TENM4: variants seen among roughly 807,000 people sequenced by gnomAD.
TENM4 encodes the protein teneurin-4.
TENM4 carries 82 observed loss-of-function variants against 243.3 expected under a neutral mutation model. The ratio of observed to expected loss-of-function variants is 0.34; its 90% CI spans 0.28 to 0.40. TENM4 has a LOEUF of 0.40. Ranked by LOEUF, TENM4 falls within the 10% of genes least tolerant of loss-of-function variation. The pLI is 1.00. For synonymous variants in TENM4, 1,412 were observed against 1,456.3 expected, an observed-to-expected ratio of 0.97 and a Z score of 0.69; for missense variants, 3,138 against 3,673.3, an observed-to-expected ratio of 0.85 and a Z score of 3.77.
intron 3 of TENM4, among the ~76,000 whole-genome samples, chr11:79,203,965 A>T (rs1357047957): frequency 6.6e-6 from 1 of 152,268 alleles, no homozygotes; most frequent in Non-Finnish European, 1.5e-5. Flanking sequence ...GAAAGAAGCC[A>T]GCCACAAAAA....
In TENM4 at chr11:79,082,164, A is replaced by G. The variant is rs111259238; in HGVS notation, c.-65-12155T>C. On this transcript the variant is annotated intron_variant, in intron 4 of 33. Coordinates refer to ENST00000278550, the MANE Select transcript of TENM4 (RefSeq NM_001098816.3). Reference sequence around the variant, plus strand: ...ATACAACTCTCCATATGCCACCTCCATGGTCCTTCTAGGTGCAAAGCTCTC... The same window carrying G: ...ATACAACTCTCCATATGCCACCTCCGTGGTCCTTCTAGGTGCAAAGCTCTC... Among the ~76,000 whole-genome samples the G allele has an allele frequency of 4.2e-3, 636 of 152,296 alleles. 2 individuals are homozygous for G. The highest frequency in any genetic ancestry group is 0.015 in the African/African-American group (608 of 41,548).
At chr11:78,761,916 T>C (rs1856438892) in intron 18 of TENM4, among the ~76,000 whole-genome samples, 1 of 152,214 alleles carries the variant, frequency 6.6e-6, no homozygotes, top group African/African-American at 2.4e-5. Context: ...CTGATGATCC[T>C]GCACGTCTCC....
At chr11:78,894,710 T>G (rs74333707) in intron 7 of TENM4, among the ~76,000 whole-genome samples, 6,395 of 152,226 alleles carry the variant, frequency 0.042, 358 homozygotes, top group African/African-American at 0.13. Flanking sequence ...TGTTGGCTAT[T>G]GGCCAGGTGC....
At chr11:79,387,822 T>C (rs546582438) in intron 1 of TENM4, among the ~76,000 whole-genome samples, 1 of 152,152 alleles carries the variant, frequency 6.6e-6, no homozygotes, top group Admixed American at 6.5e-5. Flanking sequence ...CCGGGCAACA[T>C]GGTGAAACTC....
intron 13 of TENM4, among the ~76,000 whole-genome samples, chr11:78,813,041 T>C (rs1165863433): frequency 2.6e-5 from 4 of 152,240 alleles, no homozygotes; most frequent in East Asian, 1.9e-4. Context: ...ACGGTAATTC[T>C]TGTTAGAAGG....
At chr11:79,408,030 A>G (rs1414511991) in intron 1 of TENM4, among the ~76,000 whole-genome samples, 1 of 151,712 alleles carries the variant, frequency 6.6e-6, no homozygotes, top group Non-Finnish European at 1.5e-5. Context: ...CAGCCTCCCA[A>G]GTAGCTGGGA....
intron 6 of TENM4, among the ~76,000 whole-genome samples, chr11:78,911,908 G>A (rs558572136): frequency 2.6e-5 from 4 of 152,178 alleles, no homozygotes; most frequent in African/African-American, 2.4e-5. Context: ...CTCAGCTTCC[G>A]CTCTGAGTCT....
At chr11:79,012,791 C>T (rs992710914) in intron 6 of TENM4, among the ~76,000 whole-genome samples, 1 of 152,140 alleles carries the variant, frequency 6.6e-6, no homozygotes, top group African/African-American at 2.4e-5. Flanking sequence ...GGCTGCTCAG[C>T]GAGGACGACC....
chr11:79,073,671 C>T (rs1424020720), intron 4 of TENM4, among the ~76,000 whole-genome samples: 2 of 152,018 alleles, frequency 1.3e-5, no homozygotes, highest in African/African-American at 4.8e-5. Flanking sequence ...CCCCACTGAC[C>T]GGCTGAATGA....
intron 12 of TENM4, among the ~76,000 whole-genome samples, chr11:78,835,762 A>C (rs1445255346): frequency 6.6e-6 from 1 of 152,144 alleles, no homozygotes; most frequent in African/African-American, 2.4e-5. Flanking sequence ...TACCCCAATT[A>C]GGTTAGCACC....
chr11:79,431,201 A>G (rs958727021), intron 1 of TENM4, among the ~76,000 whole-genome samples: 3 of 152,226 alleles, frequency 2.0e-5, no homozygotes, highest in Non-Finnish European at 4.4e-5. Context: ...TCTACTTTTA[A>G]AAATACTTTT....
intron 12 of TENM4, among the ~76,000 whole-genome samples, chr11:78,829,461 C>T (rs959075869): frequency 1.3e-5 from 2 of 152,104 alleles, no homozygotes; most frequent in Non-Finnish European, 2.9e-5. Flanking sequence ...GCATGGGAGG[C>T]ATTTAACGGG....
chr11:78,955,235 T>G (rs1046200512), intron 6 of TENM4, among the ~76,000 whole-genome samples: 1 of 152,176 alleles, frequency 6.6e-6, no homozygotes, highest in Non-Finnish European at 1.5e-5. Context: ...TTCACATTTC[T>G]CCAATCTCAC....
chr11:79,362,334 A>G (rs1488103634), intron 1 of TENM4, among the ~76,000 whole-genome samples: 3 of 152,244 alleles, frequency 2.0e-5, no homozygotes, highest in Admixed American at 2.0e-4. Context: ...CCTGTTCATC[A>G]GGGAGCTAAT....
At chr11:78,983,444 G>T (rs564140704) in intron 6 of TENM4, among the ~76,000 whole-genome samples, 1 of 152,238 alleles carries the variant, frequency 6.6e-6, no homozygotes, top group Non-Finnish European at 1.5e-5. Flanking sequence ...CTGTGCCCTA[G>T]TCTGTGCTTT....
intron 12 of TENM4, among the ~76,000 whole-genome samples, chr11:78,831,240 C>T (rs1857972412): frequency 6.6e-6 from 1 of 152,334 alleles, no homozygotes; most frequent in Admixed American, 6.5e-5. Context: ...CATGGCAGCT[C>T]AGGAAAACTG....
chr11:78,771,017 G>A lies in TENM4; in HGVS notation c.2514C>T (p.Cys838=), dbSNP rs374395259. The change falls in exon 18 of 34, where the codon TGC becomes TGT. Residue 838 remains cysteine (C), a synonymous_variant. Coordinates refer to ENST00000278550, the MANE Select transcript of TENM4 (RefSeq NM_001098816.3). ...CTCCATCATTGTCTTTGCTGTCACC[G>A]CAGGCAGTCTCCATGGAAGTGTCAC... ...AGCDTSMETA[C]GDSKDNDGDG... 301 of 1,584,624 alleles carry A rather than the reference G, an allele frequency of 1.9e-4. No homozygotes were observed. In the African/African-American group the frequency reaches 2.7e-3, roughly 14 times the overall value.
At chr11:79,270,992 C>T (rs1855958996) in intron 2 of TENM4, among the ~76,000 whole-genome samples, 1 of 152,196 alleles carries the variant, frequency 6.6e-6, no homozygotes, top group African/African-American at 2.4e-5. Context: ...AAAATTCCCA[C>T]AGTCACAAAA....
intron 3 of TENM4, among the ~76,000 whole-genome samples, chr11:79,195,024 G>A (rs1208245791): frequency 6.6e-6 from 1 of 152,198 alleles, no homozygotes; most frequent in Non-Finnish European, 1.5e-5. Flanking sequence ...CTCCAGCCAT[G>A]CCTGAAAGGG....
Sources: allele counts gnomAD v4.1 joint callset (sites outside exome capture counted in the v4.1 genomes callset), GRCh38; gene constraint gnomAD v4.1.1; transcripts MANE v1.5; gene names NCBI Gene and HGNC (gene_info 2026-07-23, HGNC 2026-07-21).